CFAP20DC: variants seen among roughly 807,000 people sequenced by gnomAD.
CFAP20DC encodes the protein protein CFAP20DC.
Under a neutral mutation model 101.7 loss-of-function variants are expected in CFAP20DC, and 84 were observed. The ratio of observed to expected loss-of-function variants is 0.83; its 90% CI spans 0.69 to 0.99. The LOEUF is 0.99. Ranked by LOEUF, CFAP20DC falls within the 50% of genes least tolerant of loss-of-function variation. The probability of loss-of-function intolerance (pLI) is 0.00; values close to 1 mark genes in which losing one functional copy is unlikely to be tolerated. For synonymous variants in CFAP20DC, 359 were observed against 351.2 expected (o/e 1.02, Z -0.25); for missense variants, 1,007 against 970.3 (o/e 1.04, Z -0.50).
chr3:58,842,214 C>T (rs953113605), intron 13 of CFAP20DC, among the ~76,000 whole-genome samples: 1 of 152,164 alleles, frequency 6.6e-6, no homozygotes, highest in Admixed American at 6.5e-5. Context: ...GCGTGAGCGA[C>T]GCAGAAGACG....
rs760058502 is a variant in CFAP20DC at position 59,049,753 on chromosome 3, C to A, written c.-122G>T. On this transcript the variant is annotated 5_prime_UTR_variant, in exon 1 of 17. Transcript: ENST00000482387. ...GAGCCCGACGGGTGGGAAAGGGCTT[C>A]GTGCTTGGCCCAGACTTGGGCAGGC... 234 of 1,229,982 alleles carry A rather than the reference C, an allele frequency of 1.9e-4. No individual in the cohort carries two copies. The highest frequency in any genetic ancestry group is 2.5e-4 in the Non-Finnish European group (219 of 892,646). The allele number at this position is 1,229,982 out of a possible 1,614,324, so 76.2% of individuals were successfully genotyped here.
Position 58,899,690 on chromosome 3 carries a change from C to T in CFAP20DC, c.550+14018G>A, listed in dbSNP as rs1305468138. The stretch of plus-strand genomic sequence containing the variant: ...GGGTGTGGTTTCCTGGGCAGGACTG[C>T]ACAATCACTCACCGCTTCCCTTGGC... On this transcript the variant is annotated intron_variant, in intron 6 of 16. Coordinates refer to ENST00000482387, the MANE Select transcript of CFAP20DC (RefSeq NM_001394063.1). This position sits in a 1 kb window ranked among gnomAD's most constrained non-coding sequence, Gnocchi z 5.0. Among the ~76,000 whole-genome samples, 1 of 152,130 alleles carries T rather than the reference C, an allele frequency of 6.6e-6. No individual in the cohort carries two copies. The highest frequency in any genetic ancestry group is 1.9e-4 in the East Asian group (1 of 5,174).
chr3:58,897,649 CCAGATATG>C lies in CFAP20DC; in HGVS notation c.551-12948_551-12941del, dbSNP rs903558736. On this transcript the variant is annotated intron_variant, in intron 6 of 16. Transcript: ENST00000482387. The surrounding 1 kb of genome is among the most constrained non-coding windows in gnomAD (Gnocchi z 4.4). Reference sequence around the variant, plus strand: ...TTTTCACTTTTGAAGGTTAGTTTGGCCAGATATGAAATTCAGGATTGGGGAAATTCTTT... The same window carrying C: ...TTTTCACTTTTGAAGGTTAGTTTGGCAAATTCAGGATTGGGGAAATTCTTT... Among the ~76,000 whole-genome samples the C allele has an allele frequency of 4.4e-4, 67 of 152,242 alleles. No individual in the cohort carries two copies. Among genetic ancestry groups the C allele is most frequent in the African/African-American group, 1.5e-3 (63 of 41,544 alleles).
rs920743956 is a variant in CFAP20DC at position 58,729,465 on chromosome 3, A to G, written c.198-11837T>C. On this transcript the variant is annotated intron_variant, in intron 3 of 3. Coordinates refer to the CFAP20DC transcript ENST00000486145. The surrounding 1 kb of genome is among the most constrained non-coding windows in gnomAD (Gnocchi z 4.4). The stretch of plus-strand genomic sequence containing the variant: ...TATCCAACAACATTAACGAATTCTT[A>G]TAACTTTTATTAATTTATGTGTAGA... Among the ~76,000 whole-genome samples the G allele has an allele frequency of 6.6e-6, 1 of 152,182 alleles. No homozygotes were observed. Among genetic ancestry groups the G allele is most frequent in the African/African-American group, 2.4e-5 (1 of 41,438 alleles).
At chr3:58,857,915 C>A (rs537819169) in intron 12 of CFAP20DC, among the ~76,000 whole-genome samples, 1 of 152,066 alleles carries the variant, frequency 6.6e-6, no homozygotes, top group Non-Finnish European at 1.5e-5. Flanking sequence ...ATTGATTTCA[C>A]GTATGTAATT....
At position 58,799,428 on chromosome 3, in the gene CFAP20DC, CTA is replaced by C. The variant is rs1408878935; in HGVS notation, c.2237+6965_2237+6966del. 1.3e-5 allele frequency among the ~76,000 whole-genome samples: 2 copies of C among 152,088 alleles called. No homozygotes were observed. The highest frequency in any genetic ancestry group is 2.9e-5 in the Non-Finnish European group (2 of 68,020). On this transcript the variant is annotated intron_variant, in intron 15 of 16. Coordinates refer to ENST00000482387, the MANE Select transcript of CFAP20DC (RefSeq NM_001394063.1). This position sits in a 1 kb window ranked among gnomAD's most constrained non-coding sequence, Gnocchi z 4.9. ...TTATAAATGGGAACAGGGCCAGGTA[CTA>C]GAGACTCTTAAGGTAGAGAAGTATA...
At chr3:58,730,665 G>A (rs949842619) in intron 3 of CFAP20DC, among the ~76,000 whole-genome samples, 11 of 152,180 alleles carry the variant, frequency 7.2e-5, no homozygotes, top group Admixed American at 3.3e-4. Context: ...GGTGACTATG[G>A]CTGGAGAAAG....
chr3:58,900,329 G>A (rs771857804), intron 6 of CFAP20DC, among the ~76,000 whole-genome samples: 1 of 152,152 alleles, frequency 6.6e-6, no homozygotes, highest in Non-Finnish European at 1.5e-5. Flanking sequence ...ATAACAGCCT[G>A]GACTAGATTA....
At chr3:58,819,758 T>C (rs1001646191) in intron 14 of CFAP20DC, among the ~76,000 whole-genome samples, 77 of 145,582 alleles carry the variant, frequency 5.3e-4, no homozygotes, top group African/African-American at 1.9e-3. Flanking sequence ...TTCCAATCAA[T>C]AGAAAAAGAG....
chr3:58,737,782 A>C (rs568925678), downstream of CFAP20DC, among the ~76,000 whole-genome samples: 1 of 152,120 alleles, frequency 6.6e-6, no homozygotes, highest in Non-Finnish European at 1.5e-5. This position sits in a 1 kb window ranked among gnomAD's most constrained non-coding sequence, Gnocchi z 4.1. Flanking sequence ...AAGAGTGTGC[A>C]TGGAGCAAAA....
chr3:58,754,039 G>A (rs951744266), intron 15 of CFAP20DC, among the ~76,000 whole-genome samples, 176 bp from the exon 16 acceptor site: 5 of 152,130 alleles, frequency 3.3e-5, no homozygotes, highest in Admixed American at 2.6e-4. Context: ...TGGTTAATAT[G>A]GAGTCAATCA....
Position 58,732,416 on chromosome 3 carries a change from G to A in CFAP20DC, c.198-14788C>T, listed in dbSNP as rs1575518813. ...GTTTATAGAATGTGATCAGGTGGCA[G>A]AGTGACAACCTGAACCTCGAGTGGT... On this transcript the variant is annotated intron_variant, in intron 3 of 3. Transcript: ENST00000486145. The surrounding 1 kb of genome is among the most constrained non-coding windows in gnomAD (Gnocchi z 5.4). Among the ~76,000 whole-genome samples the A allele has an allele frequency of 6.6e-6, 1 of 152,218 alleles. No homozygotes were observed. Among genetic ancestry groups the A allele is most frequent in the Admixed American group, 6.5e-5 (1 of 15,282 alleles).
intron 4 of CFAP20DC, among the ~76,000 whole-genome samples, chr3:58,943,076 C>T (rs1049776922): frequency 6.6e-6 from 1 of 152,232 alleles, no homozygotes; most frequent in Non-Finnish European, 1.5e-5. Context: ...CAGCTCCAGT[C>T]AGGCACTTAT....
chr3:58,859,671 T>A lies in CFAP20DC; in HGVS notation c.1593+3887A>T, dbSNP rs2079089927. 1.3e-5 allele frequency among the ~76,000 whole-genome samples: 2 copies of A among 152,220 alleles called. No individual in the cohort carries two copies. Among genetic ancestry groups the A allele is most frequent in the South Asian group, 4.1e-4 (2 of 4,832 alleles). ...CATACTGAGTAAACATTAATTTGCC[T>A]GGTAGGTATACAGAATATGTTATGT... On this transcript the variant is annotated intron_variant, in intron 12 of 16. Coordinates refer to ENST00000482387, the MANE Select transcript of CFAP20DC (RefSeq NM_001394063.1). This position sits in a 1 kb window ranked among gnomAD's most constrained non-coding sequence, Gnocchi z 4.1.
intron 14 of CFAP20DC, among the ~76,000 whole-genome samples, chr3:58,813,270 A>G (rs948776867): frequency 6.6e-6 from 1 of 151,968 alleles, no homozygotes; most frequent in African/African-American, 2.4e-5. Context: ...ATGTAGCCCT[A>G]AACACTTGCT....
chr3:58,910,906 C>G (rs866256005), intron 6 of CFAP20DC, among the ~76,000 whole-genome samples: 1 of 151,830 alleles, frequency 6.6e-6, no homozygotes, highest in Non-Finnish European at 1.5e-5. Context: ...TACCAAGAGA[C>G]AAGACCAAGG....
chr3:58,736,031 C>T (rs546679841), intron 3 of CFAP20DC, among the ~76,000 whole-genome samples: 2 of 152,016 alleles, frequency 1.3e-5, no homozygotes, highest in South Asian at 2.1e-4. Flanking sequence ...AAGTACCTGA[C>T]CTGAGAAGAT....
chr3:58,869,447 G>A lies in CFAP20DC; in HGVS notation c.896C>T (p.Pro299Leu), dbSNP rs1200303777. 2.5e-6 allele frequency: 4 copies of A among 1,612,848 alleles called. No individual in the cohort carries two copies. Among genetic ancestry groups the A allele is most frequent in the East Asian group, 2.2e-5 (1 of 44,834 alleles). The stretch of plus-strand genomic sequence containing the variant: ...ATTAACACACTTCTCTACAGTGGAC[G>A]GCTGGCATGATCGGTTATTTTTGGA... ...VGSKNNRSCQ[P>L]STVEKCVNGT... The change falls in exon 9 of 17, where the codon CCG becomes CTG. Residue 299 changes from proline to leucine, a missense_variant. Physicochemically the swap from Pro to Leu is moderately conservative, Grantham distance 98. Transcript: ENST00000482387. This position sits in a 1 kb window ranked among gnomAD's most constrained non-coding sequence, Gnocchi z 4.3.
rs958254834 is a variant in CFAP20DC, at chr3:58,788,364, T to C, written c.2237+18031A>G. 2.0e-5 allele frequency among the ~76,000 whole-genome samples: 3 copies of C among 152,088 alleles called. No individual in the cohort carries two copies. Among genetic ancestry groups the C allele is most frequent in the African/African-American group, 7.2e-5 (3 of 41,414 alleles). ...AACCACGGTTACCGGGGAAATCCTA[T>C]TGGTGAGAATCCACAGACATTTTTG... is the stretch of plus-strand genomic sequence containing the variant. On this transcript the variant is annotated intron_variant, in intron 15 of 16. Transcript: ENST00000482387. This position sits in a 1 kb window ranked among gnomAD's most constrained non-coding sequence, Gnocchi z 4.2.
Sources: gnomAD v4.1 joint callset for allele counts (sites outside exome capture counted in the v4.1 genomes callset) on GRCh38, gnomAD v4.1.1 for gene constraint, Gnocchi (gnomAD v3.1) non-coding constraint, MANE v1.5 for transcripts, NCBI Gene and HGNC (gene_info 2026-07-23, HGNC 2026-07-21) for gene names.